The following TENM3 variants were observed in gnomAD, a reference collection of about 807,000 sequenced individuals.
The protein encoded by TENM3 is teneurin transmembrane protein 3.
In TENM3, 63 loss-of-function variants were observed where a neutral mutation model predicts 255.1. The observed-to-expected ratio is 0.25, with a 90% CI of 0.20 to 0.30. TENM3 has a LOEUF of 0.30. Ranked by LOEUF, TENM3 falls within the 10% of genes least tolerant of loss-of-function variation. TENM3 has a pLI of 1.00. For synonymous variants in TENM3, 1,306 were observed against 1,322.3 expected (o/e 0.99, Z 0.27); for missense variants, 2,929 against 3,461.1 (o/e 0.85, Z 3.86).
intron 3 of TENM3, among the ~76,000 whole-genome samples, chr4:182,544,624 G>C (rs1207669566): frequency 6.6e-6 from 1 of 152,058 alleles, no homozygotes; most frequent in African/African-American, 2.4e-5. Flanking sequence ...TTTTAAATAG[G>C]TAACCTCTCA....
chr4:181,803,518 A>G, the TENM3 span, among the ~76,000 whole-genome samples: 1 of 152,326 alleles, frequency 6.6e-6, no homozygotes, highest in East Asian at 1.9e-4. Flanking sequence ...GGAGCTCAAC[A>G]TACTATTGTT....
At chr4:182,076,583 G>A in the TENM3 span, among the ~76,000 whole-genome samples, 8 of 152,128 alleles carry the variant, frequency 5.3e-5, no homozygotes, top group Non-Finnish European at 7.3e-5. Flanking sequence ...TTCTGGGCTC[G>A]TTGTGCTGCA....
intron 6 of TENM3, among the ~76,000 whole-genome samples, chr4:182,661,589 T>C (rs1016551975): frequency 7.9e-5 from 12 of 152,210 alleles, no homozygotes; most frequent in African/African-American, 2.9e-4. Flanking sequence ...TTATGTCTTA[T>C]TTCACTTAGC....
chr4:181,620,207 GC>G, the TENM3 span, among the ~76,000 whole-genome samples: 10 of 152,044 alleles, frequency 6.6e-5, no homozygotes, highest in Admixed American at 6.5e-4. Flanking sequence ...GCTGCAGTGA[GC>G]TGTCATTGCA....
At chr4:182,317,711 C>T (rs1434506055) in intron 1 of TENM3, among the ~76,000 whole-genome samples, 1 of 151,580 alleles carries the variant, frequency 6.6e-6, no homozygotes, top group East Asian at 1.9e-4. Context: ...TTTAGCACTA[C>T]CAAAAATATA....
intron 12 of TENM3, among the ~76,000 whole-genome samples, chr4:182,702,733 CT>C (rs1335529982): frequency 9.8e-4 from 140 of 143,242 alleles, no homozygotes; most frequent in East Asian, 2.8e-3. Flanking sequence ...AGCCCACGCT[CT>C]TTTTTTTTTT....
At chr4:182,073,592 G>T in the TENM3 span, among the ~76,000 whole-genome samples, 1 of 152,144 alleles carries the variant, frequency 6.6e-6, no homozygotes, top group Non-Finnish European at 1.5e-5. Flanking sequence ...AAAGGTGTTG[G>T]CCTCATGTAG....
the TENM3 span, among the ~76,000 whole-genome samples, chr4:181,864,965 G>C: frequency 2.0e-5 from 3 of 152,168 alleles, no homozygotes; most frequent in African/African-American, 7.2e-5. Context: ...GGTGACACCT[G>C]CTTGTCTGAA....
rs532172146 is a variant in TENM3, at chr4:182,673,052, G to C, written c.1159G>C (p.Glu387Gln). 1.2e-6 allele frequency: 2 copies of C among 1,607,218 alleles called. No individual in the cohort carries two copies. Among genetic ancestry groups the C allele is most frequent in the Admixed American group, 3.4e-5 (2 of 59,122 alleles). Reference protein sequence around the residue: ...TQENNTIDSGELDIGRRAIQE... With the variant: ...TQENNTIDSGQLDIGRRAIQE... ...AGAAAATAACACCATAGATTCCGGA[G>C]AACTTGATATTGGCCGAAGAGCAAT... Residue 387 changes from glutamate (E) to glutamine (Q), a missense_variant, in exon 7 of 28, where the codon GAA becomes CAA. Glu to Gln is a conservative substitution (Grantham distance 29). Around this residue, in one of 6 missense-constraint regions of TENM3, gnomAD observed 1,608 missense variants for 1,884.4 expected, o/e 0.85. Coordinates refer to ENST00000511685, the MANE Select transcript of TENM3 (RefSeq NM_001080477.4).
chr4:182,558,149 A>G (rs1036497629), intron 3 of TENM3, among the ~76,000 whole-genome samples: 1 of 152,184 alleles, frequency 6.6e-6, no homozygotes, highest in African/African-American at 2.4e-5. Flanking sequence ...TGGAGTGCAC[A>G]AGAGGAAAGA....
chr4:182,112,861 A>G, the TENM3 span, among the ~76,000 whole-genome samples: 1 of 152,180 alleles, frequency 6.6e-6, no homozygotes, highest in South Asian at 2.1e-4. Context: ...TGCTGCTCAC[A>G]CTTACTAAAA....
intron 3 of TENM3, among the ~76,000 whole-genome samples, chr4:182,583,897 T>G (rs986769974): frequency 1.3e-5 from 2 of 152,230 alleles, no homozygotes; most frequent in African/African-American, 4.8e-5. Flanking sequence ...CTTTGGCACT[T>G]ATTTTGCATA....
At chr4:181,639,055 T>C in the TENM3 span, among the ~76,000 whole-genome samples, 5 of 152,192 alleles carry the variant, frequency 3.3e-5, no homozygotes, top group African/African-American at 1.2e-4. Flanking sequence ...GCATTTTTTT[T>C]GACTGTTTGG....
chr4:182,650,637 GGA>G (rs1196692265), intron 5 of TENM3, among the ~76,000 whole-genome samples: 1 of 148,334 alleles, frequency 6.7e-6, no homozygotes, highest in Non-Finnish European at 1.5e-5. Flanking sequence ...CTCTAACTTT[GGA>G]GAGTCAGCCC....
At chr4:181,544,912 A>G in the TENM3 span, among the ~76,000 whole-genome samples, 5 of 152,352 alleles carry the variant, frequency 3.3e-5, no homozygotes, top group African/African-American at 1.2e-4. Flanking sequence ...TTCTTCCTGC[A>G]TGAGAATATG....
At chr4:182,172,866 CT>C (rs1752200815) in intron 1 of TENM3, among the ~76,000 whole-genome samples, 1 of 152,098 alleles carries the variant, frequency 6.6e-6, no homozygotes, top group African/African-American at 2.4e-5. Flanking sequence ...TAGTGAATAT[CT>C]TGGTGAATCC....
Position 182,161,267 on chromosome 4 carries a change from T to A in TENM3, c.-76+16513T>A, listed in dbSNP as rs1294482429. 5.8e-5 allele frequency among the ~76,000 whole-genome samples: 8 copies of A among 137,932 alleles called. 1 individual carries two copies. In the East Asian group the frequency reaches 7.8e-4, roughly 13 times the overall value. 90.5% of individuals were successfully genotyped at this position (137,932 alleles called of 152,430 possible). ...CCGTCTCTACTAAAAATACAAAAAATTAGCCGGGCGTGGTGGCGGGCGCCT... is the reference window on the plus strand; with the variant it reads ...CCGTCTCTACTAAAAATACAAAAAAATAGCCGGGCGTGGTGGCGGGCGCCT... On this transcript the variant is annotated intron_variant, in intron 1 of 2. Transcript: ENST00000512480.
chr4:182,512,300 A>T (rs1466437925), intron 3 of TENM3, among the ~76,000 whole-genome samples: 1 of 152,120 alleles, frequency 6.6e-6, no homozygotes, highest in Non-Finnish European at 1.5e-5. Flanking sequence ...TAAACGGTAA[A>T]AGCAAAGGAC....
intron 1 of TENM3, among the ~76,000 whole-genome samples, chr4:182,205,674 T>C (rs746905075): frequency 4.6e-5 from 7 of 152,282 alleles, no homozygotes; most frequent in Non-Finnish European, 8.8e-5. Flanking sequence ...CGTTTTCCAG[T>C]AGACAACTCC....
Sources: gnomAD v4.1 joint callset for allele counts (sites outside exome capture counted in the v4.1 genomes callset) on GRCh38, gnomAD v4.1.1 for gene constraint, gnomAD v4.1.1 regional missense constraint, MANE v1.5 for transcripts, NCBI Gene and HGNC (gene_info 2026-07-23, HGNC 2026-07-21) for gene names.